The following EIF4ENIF1 variants were observed in gnomAD, a reference collection of about 807,000 sequenced individuals.
EIF4ENIF1 encodes eukaryotic translation initiation factor 4E nuclear import factor 1.
EIF4ENIF1 carries 23 observed loss-of-function variants against 110.5 expected under a neutral mutation model. The ratio of observed to expected loss-of-function variants is 0.21; its 90% CI spans 0.15 to 0.29. The LOEUF (loss-of-function observed/expected upper bound fraction) is 0.29. Ranked by LOEUF, EIF4ENIF1 falls within the 10% of genes least tolerant of loss-of-function variation. EIF4ENIF1 has a pLI of 1.00. For missense variants in EIF4ENIF1, 1,031 were observed against 1,221.1 expected (o/e 0.84, Z 2.32); for synonymous variants, 440 against 437.0 (o/e 1.01, Z -0.09).
intron 13 of EIF4ENIF1, among the ~76,000 whole-genome samples, 167 bp downstream of exon 13, chr22:31,447,986 T>G (rs1278330350): frequency 6.6e-6 from 1 of 152,146 alleles, no homozygotes; most frequent in Non-Finnish European, 1.5e-5. Flanking sequence ...TGGGCTCAAG[T>G]GATCCTCCTG....
intron 3 of EIF4ENIF1, among the ~76,000 whole-genome samples, chr22:31,470,718 T>C (rs1376463310): frequency 6.7e-6 from 1 of 149,172 alleles, no homozygotes; most frequent in Admixed American, 6.7e-5. Flanking sequence ...ATAGGATCTC[T>C]GTTGCTCAGG....
chr22:31,477,712 C>T (rs2051643162), intron 2 of EIF4ENIF1, among the ~76,000 whole-genome samples: 1 of 152,110 alleles, frequency 6.6e-6, no homozygotes, highest in African/African-American at 2.4e-5. Context: ...CACTTTTGAC[C>T]AAATACAATG....
intron 6 of EIF4ENIF1, among the ~76,000 whole-genome samples, chr22:31,459,551 C>G (rs778071867): frequency 6.6e-6 from 1 of 152,088 alleles, no homozygotes; most frequent in Non-Finnish European, 1.5e-5. Context: ...ATCCTTATGT[C>G]ATCTCTGAGT....
At chr22:31,477,582 G>A (rs2051637896) in intron 2 of EIF4ENIF1, among the ~76,000 whole-genome samples, 1 of 152,094 alleles carries the variant, frequency 6.6e-6, no homozygotes, top group Admixed American at 6.5e-5. Context: ...GCATACATAG[G>A]TGTGATGCTT....
intron 7 of EIF4ENIF1, 152 bp from the exon 8 acceptor site, chr22:31,456,139 T>G (rs998113175): frequency 3.4e-5 from 25 of 733,732 alleles, no homozygotes; most frequent in Non-Finnish European, 4.8e-5. Flanking sequence ...TGAACACCTT[T>G]TTCTTCCTCC....
chr22:31,490,163 C>A (rs1026024163), upstream of EIF4ENIF1, among the ~76,000 whole-genome samples: 1 of 152,228 alleles, frequency 6.6e-6, no homozygotes, highest in Non-Finnish European at 1.5e-5. Context: ...GCAGAGCGGA[C>A]GGCACTTGGG....
intron 2 of EIF4ENIF1, among the ~76,000 whole-genome samples, chr22:31,486,562 T>A (rs1170858807): frequency 6.6e-6 from 1 of 151,748 alleles, no homozygotes; most frequent in East Asian, 2.0e-4. Context: ...GTGAATCACT[T>A]GAGTTCAGGA....
At chr22:31,455,410 TTTC>T in intron 8 of EIF4ENIF1, 95 bp from the exon 9 acceptor site, 2 of 1,140,526 alleles carry the variant, frequency 1.8e-6, no homozygotes, top group East Asian at 3.0e-5. Context: ...TTTTTTTTTT[TTTC>T]TTTGAGATGG....
At chr22:31,462,102 A>G (rs1303236376) in intron 6 of EIF4ENIF1, among the ~76,000 whole-genome samples, 1 of 152,168 alleles carries the variant, frequency 6.6e-6, no homozygotes, top group East Asian at 1.9e-4. Context: ...GTCCTCTTAC[A>G]GGATAACTTC....
At chr22:31,477,001 G>T (rs190691057) in intron 2 of EIF4ENIF1, among the ~76,000 whole-genome samples, 17 of 147,856 alleles carry the variant, frequency 1.1e-4, no homozygotes, top group Middle Eastern at 3.6e-3. Flanking sequence ...AAAAAAAAAG[G>T]CAGGGCATGG....
At chr22:31,453,128 C>T (rs1383166306) in intron 10 of EIF4ENIF1, among the ~76,000 whole-genome samples, 1 of 152,152 alleles carries the variant, frequency 6.6e-6, no homozygotes, top group African/African-American at 2.4e-5. Context: ...CATATCTACC[C>T]TGCTTCCACA....
chr22:31,463,828 C>T lies in EIF4ENIF1; in HGVS notation c.438G>A (p.Gly146=), dbSNP rs1298538276. Reference sequence around the variant, plus strand: ...TCCTACGTCCACCAAGCAGACGAAGCCCATCACTATCTTTCTCTAATGGAC... The same window carrying T: ...TCCTACGTCCACCAAGCAGACGAAGTCCATCACTATCTTTCTCTAATGGAC... ...SGSPLEKDSD[G]LRLLGGRRIG... The change falls in exon 5 of 19, where the codon GGG becomes GGA. Residue 146 remains glycine, a synonymous_variant. Transcript: ENST00000330125. 2.5e-6 allele frequency: 4 copies of T among 1,614,062 alleles called. No homozygotes were observed. The South Asian group carries it at 3.3e-5, about 13-fold the overall frequency.
chr22:31,487,571 C>T (rs949242317), intron 2 of EIF4ENIF1, among the ~76,000 whole-genome samples: 3 of 152,062 alleles, frequency 2.0e-5, no homozygotes, highest in Admixed American at 6.6e-5. Flanking sequence ...CCAAGGTGGG[C>T]GGATTGCTTA....
At chr22:31,449,089 C>T (rs1056835342) in intron 12 of EIF4ENIF1, among the ~76,000 whole-genome samples, 1 of 152,200 alleles carries the variant, frequency 6.6e-6, no homozygotes, top group East Asian at 1.9e-4. Context: ...TGGCTCACTG[C>T]AACCTCCGCC....
intron 2 of EIF4ENIF1, among the ~76,000 whole-genome samples, chr22:31,486,372 G>A (rs2052028594): frequency 6.6e-6 from 1 of 152,054 alleles, no homozygotes; most frequent in Non-Finnish European, 1.5e-5. Flanking sequence ...GCTGAGGCAG[G>A]AGAATCGCTT....
downstream of EIF4ENIF1, among the ~76,000 whole-genome samples, chr22:31,437,499 C>CT: frequency 1.6e-5 from 2 of 124,128 alleles, no homozygotes; most frequent in Non-Finnish European, 3.2e-5. Context: ...TACCAAAATA[C>CT]TTTTGCTAAA....
intron 11 of EIF4ENIF1, among the ~76,000 whole-genome samples, chr22:31,449,982 C>T (rs1297747568): frequency 6.6e-6 from 1 of 152,158 alleles, no homozygotes; most frequent in Non-Finnish European, 1.5e-5. Flanking sequence ...CCACCCACCT[C>T]AGCCTCCCAA....
At chr22:31,447,699 T>C in intron 13 of EIF4ENIF1, 134 bp from the exon 14 acceptor site, 1 of 929,520 alleles carries the variant, frequency 1.1e-6, no homozygotes, top group Non-Finnish European at 1.6e-6. Context: ...CTGACTAGAT[T>C]GTGCTGCCAT....
At chr22:31,478,752 C>G (rs1490007198) in intron 2 of EIF4ENIF1, among the ~76,000 whole-genome samples, 1 of 151,248 alleles carries the variant, frequency 6.6e-6, no homozygotes. Flanking sequence ...GAGATCGAGA[C>G]CATCCTGGCT....
Sources: allele counts gnomAD v4.1 joint callset (sites outside exome capture counted in the v4.1 genomes callset), GRCh38; gene constraint gnomAD v4.1.1; transcripts MANE v1.5; gene names NCBI Gene and HGNC (gene_info 2026-07-23, HGNC 2026-07-21).